Variants in LRRC74B observed in about 807,000 individuals in gnomAD.
LRRC74B encodes leucine rich repeat containing 74B.
In LRRC74B, 30 loss-of-function variants were observed where a neutral mutation model predicts 16.6. The ratio of observed to expected loss-of-function variants is 1.80; its 90% CI spans 1.35 to 2.45. LRRC74B has a LOEUF of 2.45. Among genes scored for constraint, LRRC74B ranks in the 30% most tolerant of loss-of-function variants. The probability of loss-of-function intolerance (pLI) is 0.00; values close to 1 mark genes in which losing one functional copy is unlikely to be tolerated. For synonymous variants in LRRC74B, 134 were observed against 86.0 expected (o/e 1.56, Z -3.09); for missense variants, 326 against 202.4 (o/e 1.61, Z -3.71).
At chr22:21,061,982 A>C (rs1289348610), downstream of LRRC74B, 3 of 152,366 alleles carry the variant, frequency 2.0e-5, no homozygotes, top group Admixed American at 6.5e-5. Context: ...GCTTTACATG[A>C]ATGAACCGTA....
intron 4 of LRRC74B, among the ~76,000 whole-genome samples, chr22:21,050,128 C>A (rs1300152437): frequency 6.6e-6 from 1 of 152,082 alleles, no homozygotes; most frequent in Non-Finnish European, 1.5e-5. Flanking sequence ...CCTCTGCCTC[C>A]CAGGTCCAAG....
chr22:21,052,894 C>A (rs1282595978), intron 5 of LRRC74B, among the ~76,000 whole-genome samples: 1 of 152,208 alleles, frequency 6.6e-6, no homozygotes, highest in East Asian at 1.9e-4. Flanking sequence ...AGGGGCTGAC[C>A]TTGGGGTCCT....
chr22:21,048,263 TC>T (rs1929660655), intron 3 of LRRC74B: 1 of 495,724 alleles, frequency 2.0e-6, no homozygotes. Context: ...CTGGCCAGCA[TC>T]CCCCTCTTCA....
intron 6 of LRRC74B, among the ~76,000 whole-genome samples, chr22:21,054,872 C>T (rs1402622820): frequency 1.3e-5 from 2 of 152,188 alleles, no homozygotes; most frequent in Non-Finnish European, 1.5e-5. Context: ...TGGTGTCCAC[C>T]AGGACAGGGA....
intron 5 of LRRC74B, 67 bp downstream of exon 5, chr22:21,052,425 C>G (rs2148149709): frequency 1.4e-6 from 1 of 710,366 alleles, no homozygotes; most frequent in East Asian, 2.7e-5. Context: ...GGGGCCACCT[C>G]CCTGTCTCTG....
chr22:21,056,501 C>CA lies in LRRC74B; in HGVS notation c.928-589dup, dbSNP rs58229327. 254 of 114,396 alleles carry CA rather than the reference C, an allele frequency of 2.2e-3. 1 individual carries two copies. The Middle Eastern group carries it at 0.025, about 11-fold the overall frequency. The allele number at this position is 114,396 out of a possible 1,614,324, so 7.1% of individuals were successfully genotyped here. ...TGGATGACAGAGCAAGACTCTGTCT[C>CA]AAAAAAAAAAAAAAAGTAACATAGC... On this transcript the variant is annotated intron_variant, in intron 7 of 8. Transcript: ENST00000442047.
intron 7 of LRRC74B, 30 bp downstream of exon 7, chr22:21,055,206 A>G (rs531895704): frequency 6.4e-4 from 457 of 710,900 alleles, no homozygotes; most frequent in Non-Finnish European, 1.1e-3. Flanking sequence ...CTGAGACACC[A>G]GCACAGACCT....
At chr22:21,060,944 G>A (rs1930781386), downstream of LRRC74B, among the ~76,000 whole-genome samples, 2 of 152,164 alleles carry the variant, frequency 1.3e-5, no homozygotes, top group African/African-American at 4.8e-5. Context: ...TGCACTGAGA[G>A]CCTCAAAACT....
chr22:21,057,505 G>A (rs377440), intron 8 of LRRC74B, among the ~76,000 whole-genome samples: 2 of 150,760 alleles, frequency 1.3e-5, no homozygotes, highest in African/African-American at 2.4e-5. Context: ...ATCTGCAGGC[G>A]CAGCACCTGC....
intron 1 of LRRC74B, 41 bp downstream of exon 1, chr22:21,046,166 G>T (rs1020869671): frequency 1.4e-6 from 1 of 713,504 alleles, no homozygotes; most frequent in African/African-American, 1.7e-5. Flanking sequence ...TCCCCTTTGG[G>T]GGTCTTCTCC....
chr22:21,048,620 C>A (rs201271873), intron 3 of LRRC74B: 4 of 355,892 alleles, frequency 1.1e-5, no homozygotes, highest in African/African-American at 2.1e-5. Flanking sequence ...ATCCTGGCAA[C>A]GGGGCTGTGA....
At chr22:21,055,103 A>G (rs542020136) in exon 7 of LRRC74B, 1 of 717,220 alleles carries the variant, frequency 1.4e-6, no homozygotes, top group East Asian at 2.7e-5. Context: ...TGCAGTAACA[A>G]CCGCATCTCT....
At chr22:21,049,347 C>A (rs1160358911) in intron 4 of LRRC74B, 190 bp downstream of exon 4, 1 of 588,946 alleles carries the variant, frequency 1.7e-6, no homozygotes, top group Non-Finnish European at 3.1e-6. Flanking sequence ...CCACAAATAT[C>A]TCATTGCGCG....
At chr22:21,053,545 A>ACCCGTGATGGGGATT in intron 6 of LRRC74B, 70 bp downstream of exon 6, 1 of 681,816 alleles carries the variant, frequency 1.5e-6, no homozygotes. Context: ...CACACAGTCT[A>ACCCGTGATGGGGATT]CCCGTGATGG....
chr22:21,055,210 C>T (rs1406196610), intron 7 of LRRC74B, 34 bp downstream of exon 7: 4 of 709,244 alleles, frequency 5.6e-6, no homozygotes, highest in East Asian at 5.4e-5. Context: ...GACACCAGCA[C>T]AGACCTGCCC....
At chr22:21,047,301 A>G in intron 1 of LRRC74B, 55 bp from the exon 2 acceptor site, 1 of 698,412 alleles carries the variant, frequency 1.4e-6, no homozygotes, top group Admixed American at 2.1e-5. Flanking sequence ...GCAGGGGAGG[A>G]CACAGGTGGC....
At chr22:21,053,415 G>C in exon 6 of LRRC74B, 1 of 717,446 alleles carries the variant, frequency 1.4e-6, no homozygotes, top group Non-Finnish European at 2.6e-6. Flanking sequence ...GGGGATCCTG[G>C]AGCCTCTGCG....
intron 6 of LRRC74B, among the ~76,000 whole-genome samples, chr22:21,054,856 G>A (rs1314641375): frequency 1.3e-5 from 2 of 152,200 alleles, no homozygotes; most frequent in Non-Finnish European, 2.9e-5. Context: ...TCAGAGGAGC[G>A]GCAGCTGGTG....
chr22:21,047,056 G>A (rs9620772), intron 1 of LRRC74B, among the ~76,000 whole-genome samples: 1,576 of 151,274 alleles, frequency 0.01, 26 homozygotes, highest in African/African-American at 0.034. Context: ...TCGTGCCACT[G>A]CATTCCAGCC....
Sources: gnomAD v4.1 joint callset for allele counts (sites outside exome capture counted in the v4.1 genomes callset) on GRCh38, gnomAD v4.1.1 for gene constraint, MANE v1.5 for transcripts, NCBI Gene and HGNC (gene_info 2026-07-23, HGNC 2026-07-21) for gene names.